Variants in ORC2 observed in about 807,000 individuals in gnomAD.
ORC2 encodes the protein origin recognition complex subunit 2, also known as origin recognition complex protein 2 homolog.
Under a neutral mutation model 77.7 loss-of-function variants are expected in ORC2, and 37 were observed. That is an observed-to-expected ratio of 0.48 (90% CI 0.37 to 0.63). The LOEUF is 0.63. Among genes scored for constraint, ORC2 ranks in the 20% least tolerant of loss-of-function variants. ORC2 has a pLI of 0.00. For missense variants in ORC2, 557 were observed against 661.9 expected (o/e 0.84, Z 1.74); for synonymous variants, 201 against 229.5 (o/e 0.88, Z 1.12).
chr2:200,954,441 T>A (rs959753741), intron 4 of ORC2, among the ~76,000 whole-genome samples: 1 of 152,222 alleles, frequency 6.6e-6, no homozygotes. Context: ...TAGAAGAATG[T>A]CTAATGACAG....
Position 200,910,456 on chromosome 2 carries a change from C to G in ORC2, c.*845G>C, listed in dbSNP as rs553744839. On this transcript the variant is annotated 3_prime_UTR_variant, in exon 18 of 18. Coordinates refer to ENST00000234296, the MANE Select transcript of ORC2 (RefSeq NM_006190.5). The stretch of plus-strand genomic sequence containing the variant: ...ATATGCTACTCACCTGCATGTTGTT[C>G]AAGAAAAGAAAAATATGTCAATATA... 1 of 152,164 alleles carries G rather than the reference C, an allele frequency of 6.6e-6. No individual in the cohort carries two copies. Among genetic ancestry groups the G allele is most frequent in the Non-Finnish European group, 1.5e-5 (1 of 67,996 alleles). 9.4% of individuals were successfully genotyped at this position (152,164 alleles called of 1,614,324 possible). A position where few individuals can be genotyped will look rare whatever the true frequency, so the allele number is the denominator to read the frequency against.
intron 17 of ORC2, 122 bp downstream of exon 17, chr2:200,913,173 A>G: frequency 6.3e-6 from 4 of 635,278 alleles, no homozygotes; most frequent in South Asian, 6.0e-5. Context: ...CCCTAAATGA[A>G]TCTCTGTGAC....
intron 4 of ORC2, among the ~76,000 whole-genome samples, chr2:200,950,349 C>A (rs1369913746): frequency 6.6e-6 from 1 of 152,068 alleles, no homozygotes; most frequent in East Asian, 1.9e-4. Context: ...GCTTTCTTCA[C>A]AGATCCTGAC....
At chr2:200,926,655 C>G in intron 12 of ORC2, 113 bp downstream of exon 12, 1 of 967,294 alleles carries the variant, frequency 1.0e-6, no homozygotes, top group South Asian at 1.5e-5. Flanking sequence ...CTATACAATC[C>G]TACTACCGTG....
At position 200,947,083 on chromosome 2, in the gene ORC2, A is replaced by G. The variant is rs535986200; in HGVS notation, c.328+2471T>C. Among the ~76,000 whole-genome samples the G allele has an allele frequency of 7.9e-5, 12 of 152,106 alleles. No individual in the cohort carries two copies. The South Asian group carries it at 2.5e-3, about 32-fold the overall frequency. On this transcript the variant is annotated intron_variant, in intron 5 of 17. Transcript: ENST00000234296. ...ACACCCAGCTAATTTTTGTATTTTT[A>G]GTAGAGCTGGGTTTCACCATGTTGG...
intron 5 of ORC2, among the ~76,000 whole-genome samples, chr2:200,948,295 T>C (rs1206212523): frequency 2.0e-5 from 3 of 152,112 alleles, no homozygotes; most frequent in African/African-American, 7.2e-5. Flanking sequence ...GCGATCCTCC[T>C]GTCTTGGCCA....
At chr2:200,950,648 A>G (rs915454721) in intron 4 of ORC2, among the ~76,000 whole-genome samples, 1 of 152,376 alleles carries the variant, frequency 6.6e-6, no homozygotes, top group Admixed American at 6.5e-5. Context: ...GTTGCCTTCA[A>G]TGAAGCCAGA....
intron 13 of ORC2, among the ~76,000 whole-genome samples, chr2:200,925,508 G>C (rs1488027525): frequency 6.6e-6 from 1 of 152,174 alleles, no homozygotes; most frequent in Non-Finnish European, 1.5e-5. Context: ...GGGAGGCCAA[G>C]GCAGGAGGAC....
At chr2:200,918,896 G>A (rs891226879) in intron 15 of ORC2, among the ~76,000 whole-genome samples, 7 of 146,000 alleles carry the variant, frequency 4.8e-5, no homozygotes, top group African/African-American at 1.8e-4. Context: ...CTGGAGACAG[G>A]GTCTTGCTCT....
chr2:200,932,334 CTT>C (rs869076427), intron 10 of ORC2, among the ~76,000 whole-genome samples: 228 of 120,142 alleles, frequency 1.9e-3, no homozygotes, highest in African/African-American at 6.6e-3. Context: ...TCATTTCAAA[CTT>C]TTTTTTTTTT....
At chr2:200,913,521 C>CA in intron 16 of ORC2, 108 bp from the exon 17 acceptor site, 1 of 1,406,510 alleles carries the variant, frequency 7.1e-7, no homozygotes, top group Non-Finnish European at 9.3e-7. Context: ...CATGTTATCC[C>CA]AGAGCAGTGA....
intron 4 of ORC2, among the ~76,000 whole-genome samples, chr2:200,954,900 GAATGAATAAATA>G (rs2041438878): frequency 1.4e-5 from 2 of 138,306 alleles, no homozygotes; most frequent in African/African-American, 2.7e-5. Context: ...ATGAATGAAT[GAATGAATAAATA>G]AATAAATAAA....
chr2:200,938,810 C>T (rs1040605943), intron 7 of ORC2, among the ~76,000 whole-genome samples: 1 of 152,088 alleles, frequency 6.6e-6, no homozygotes, highest in African/African-American at 2.4e-5. Context: ...GAGGCCAAGG[C>T]GGGCAGATCA....
chr2:200,922,464 G>A (rs1394060488), intron 13 of ORC2, among the ~76,000 whole-genome samples: 1 of 151,226 alleles, frequency 6.6e-6, no homozygotes. Flanking sequence ...AGTGTGAAAG[G>A]GCAGCAGAAT....
At position 200,920,936 on chromosome 2, in the gene ORC2, GA is replaced by G. The variant is rs2040746024; in HGVS notation, c.1294+56del. The G allele has an allele frequency of 4.0e-6, 5 of 1,249,278 alleles. No homozygotes were observed. In the South Asian group the frequency reaches 9.4e-5, roughly 23 times the overall value. 77.4% of individuals were successfully genotyped at this position (1,249,278 alleles called of 1,614,324 possible). ...AAAAATTTTCTGATTTATATTAATA[GA>G]ATTTGTCTTGTAAGACTGATATCTC... is the stretch of plus-strand genomic sequence containing the variant. On this transcript the variant is annotated intron_variant, in intron 14 of 17. Transcript: ENST00000234296.
At chr2:200,936,017 A>C (rs2041040114) in intron 8 of ORC2, 125 bp from the exon 9 acceptor site, 2 of 659,202 alleles carry the variant, frequency 3.0e-6, no homozygotes, top group Non-Finnish European at 2.5e-6. Context: ...TTACCTGCTC[A>C]TGATTTCACC....
chr2:200,957,482 G>C lies in ORC2; in HGVS notation c.157C>G (p.Pro53Ala), dbSNP rs1559025645. The C allele has an allele frequency of 6.2e-7, 1 of 1,610,076 alleles. No individual in the cohort carries two copies. Among genetic ancestry groups the C allele is most frequent in the Admixed American group, 1.7e-5 (1 of 59,638 alleles). The change falls in exon 4 of 18, where the codon CCA becomes GCA. Residue 53 changes from proline (P) to alanine (A), a missense_variant. Coordinates refer to ENST00000234296, the MANE Select transcript of ORC2 (RefSeq NM_006190.5). ...TCATCTTCCTCCAAATCATATTCTG[G>C]CTTCTTTATTATTTTTTTGGGGTTG... ...LVNPKKIIKK[P>A]EYDLEEDDQE...
chr2:200,952,408 C>T (rs772398529), intron 4 of ORC2, among the ~76,000 whole-genome samples: 3 of 152,066 alleles, frequency 2.0e-5, no homozygotes, highest in East Asian at 3.9e-4. Flanking sequence ...TACAGTCGCC[C>T]GCCACCACAC....
intron 5 of ORC2, among the ~76,000 whole-genome samples, 156 bp downstream of exon 5, chr2:200,949,398 T>A (rs2041310014): frequency 1.3e-5 from 2 of 152,124 alleles, no homozygotes. Flanking sequence ...TAATATAACA[T>A]CCTTCTTTTA....
Sources: gnomAD v4.1 joint callset for allele counts (sites outside exome capture counted in the v4.1 genomes callset) on GRCh38, gnomAD v4.1.1 for gene constraint, MANE v1.5 for transcripts, NCBI Gene and HGNC (gene_info 2026-07-23, HGNC 2026-07-21) for gene names.